Variants in USH2A observed in about 807,000 individuals in gnomAD.
USH2A encodes usherin.
Under a neutral mutation model 538.9 loss-of-function variants are expected in USH2A, and 443 were observed. The observed-to-expected ratio is 0.82, with a 90% CI of 0.76 to 0.89. The LOEUF (loss-of-function observed/expected upper bound fraction) is 0.89, where lower values mean the gene tolerates loss of function less well. USH2A is among the 40% of genes least tolerant of loss of function. USH2A has a pLI of 0.00. For synonymous variants in USH2A, 2,413 were observed against 2,273.5 expected (o/e 1.06, Z -1.75); for missense variants, 6,633 against 6,324.8 (o/e 1.05, Z -1.65).
intron 26 of USH2A, among the ~76,000 whole-genome samples, chr1:216,081,794 T>C (rs2031951125): frequency 6.6e-6 from 1 of 152,026 alleles, no homozygotes; most frequent in Non-Finnish European, 1.5e-5. Context: ...GGTCTCACTA[T>C]ATTGCCCAGG....
intron 44 of USH2A, among the ~76,000 whole-genome samples, chr1:215,861,769 A>G (rs992675062): frequency 3.9e-5 from 6 of 152,058 alleles, no homozygotes; most frequent in Non-Finnish European, 8.8e-5. Flanking sequence ...CAGTTTCTAG[A>G]TAAGGGGCAA....
intron 43 of USH2A, among the ~76,000 whole-genome samples, chr1:215,877,071 G>A (rs1664791039): frequency 6.6e-6 from 1 of 152,134 alleles, no homozygotes; most frequent in Non-Finnish European, 1.5e-5. Flanking sequence ...AGATTTAGAA[G>A]TCATTTAATT....
At chr1:216,270,704 A>T (rs1179704825) in intron 11 of USH2A, among the ~76,000 whole-genome samples, 1 of 96,356 alleles carries the variant, frequency 1.0e-5, no homozygotes, top group Non-Finnish European at 2.1e-5. Flanking sequence ...ATTTTCATTC[A>T]TTCCAATTTT....
chr1:215,710,932 T>G (rs542512238), intron 61 of USH2A, among the ~76,000 whole-genome samples: 3 of 152,118 alleles, frequency 2.0e-5, no homozygotes, highest in Middle Eastern at 6.8e-3. Flanking sequence ...CTCCATTTCT[T>G]CTATCGGCTT....
At chr1:215,628,673 T>C in intron 71 of USH2A, 141 bp downstream of exon 71, 1 of 843,148 alleles carries the variant, frequency 1.2e-6, no homozygotes, top group Non-Finnish European at 2.0e-6. Flanking sequence ...GTAACATTAG[T>C]AAACCGGTTG....
chr1:215,950,673 TA>T (rs1666890811), intron 37 of USH2A, among the ~76,000 whole-genome samples: 2 of 151,748 alleles, frequency 1.3e-5, no homozygotes, highest in South Asian at 2.1e-4. Context: ...GTCCGGCTAA[TA>T]TTTTTTTTTG....
At chr1:216,104,864 T>C (rs1389873294) in intron 21 of USH2A, among the ~76,000 whole-genome samples, 2 of 152,108 alleles carry the variant, frequency 1.3e-5, no homozygotes, top group African/African-American at 4.8e-5. Context: ...CAAAAGAAAC[T>C]ACCATCAGAG....
intron 21 of USH2A, among the ~76,000 whole-genome samples, chr1:216,170,954 G>A (rs1005794492): frequency 6.6e-6 from 1 of 151,962 alleles, no homozygotes; most frequent in Admixed American, 6.6e-5. Context: ...CTGGGGCACT[G>A]TTTCACCATG....
At position 215,675,126 on chromosome 1, in the gene USH2A, G is replaced by A; in HGVS notation, c.12785C>T (p.Pro4262Leu). Residue 4262 changes from proline (P) to leucine (L), a missense_variant, in exon 63 of 72, where the codon CCT (proline) becomes CTT (leucine). Transcript: ENST00000307340. ...SWNVVRTLQA[P>L]PEGLSPPVIS... The stretch of plus-strand genomic sequence containing the variant: ...CACAGGTGGAGAGAGACCTTCTGGA[G>A]GTGCTTGCAATGTCCTCACCACATT... The A allele has an allele frequency of 6.2e-7, 1 of 1,614,030 alleles. No homozygotes were observed. Among genetic ancestry groups the A allele is most frequent in the Non-Finnish European group, 8.5e-7 (1 of 1,180,006 alleles).
At chr1:215,998,106 G>A (rs1022617083) in intron 34 of USH2A, among the ~76,000 whole-genome samples, 4 of 151,976 alleles carry the variant, frequency 2.6e-5, no homozygotes, top group Non-Finnish European at 5.9e-5. Context: ...TATTTTCTAT[G>A]GCATTTATCA....
At chr1:215,931,734 T>C (rs1461236091) in intron 38 of USH2A, among the ~76,000 whole-genome samples, 1 of 151,998 alleles carries the variant, frequency 6.6e-6, no homozygotes, top group Admixed American at 6.6e-5. Flanking sequence ...GCACCTACCA[T>C]GTGTCAGGTT....
intron 13 of USH2A, among the ~76,000 whole-genome samples, chr1:216,244,164 A>G: frequency 6.6e-6 from 1 of 152,210 alleles, no homozygotes; most frequent in East Asian, 1.9e-4. Flanking sequence ...ATTGAAAAGG[A>G]GGATTATACT....
chr1:215,967,465 C>A (rs1667377039), intron 36 of USH2A, among the ~76,000 whole-genome samples: 1 of 152,060 alleles, frequency 6.6e-6, no homozygotes, highest in Non-Finnish European at 1.5e-5. Flanking sequence ...CCATGCCTGG[C>A]CATAAACTGT....
rs547139318 is a variant in USH2A, at chr1:216,422,337, G to C, written c.-1C>G. On this transcript the variant is annotated 5_prime_UTR_variant, in exon 2 of 72. Coordinates refer to ENST00000307340, the MANE Select transcript of USH2A (RefSeq NM_206933.4). ...CCAATGAAAGAACTGGGCAATTCAT[G>C]TTTACAAAAAAGCATTCTCCTCCTG... 1.4e-5 allele frequency: 23 copies of C among 1,613,482 alleles called. No individual in the cohort carries two copies. Among genetic ancestry groups the C allele is most frequent in the Middle Eastern group, 1.6e-4 (1 of 6,080 alleles).
chr1:215,885,940 T>G (rs1252297911), intron 41 of USH2A, among the ~76,000 whole-genome samples: 2 of 152,208 alleles, frequency 1.3e-5, no homozygotes, highest in African/African-American at 4.8e-5. Flanking sequence ...TCCTTATTAC[T>G]TCCAGGTATA....
At chr1:216,418,417 C>G in intron 3 of USH2A, 97 bp downstream of exon 3, 1 of 1,380,298 alleles carries the variant, frequency 7.2e-7, no homozygotes, top group Non-Finnish European at 1.0e-6. Context: ...CTAAAAGATA[C>G]TGCTGCAGAT....
chr1:216,084,966 T>G (rs2032081743), intron 24 of USH2A, 89 bp from the exon 25 acceptor site: 1 of 1,318,540 alleles, frequency 7.6e-7, no homozygotes, highest in East Asian at 2.4e-5. Context: ...GTCAAAGAAA[T>G]AGGCACTAGC....
At position 215,625,846 on chromosome 1, in the gene USH2A, T is replaced by G; in HGVS notation, c.15544A>C (p.Asn5182His). Residue 5182 changes from asparagine (N) to histidine (H), a missense_variant, in exon 72 of 72, where the codon AAC becomes CAC. Asn to His is a moderately conservative substitution (Grantham distance 68). Transcript: ENST00000307340. ...GLYVDEEDLM[N>H]AIKDFSSVTK... ...ACTGAGCTGAAATCCTTGATGGCGT[T>G]CATCAGGTCCTCTTCATCCACATAC... The G allele has an allele frequency of 3.7e-6, 6 of 1,614,116 alleles. No individual in the cohort carries two copies. The highest frequency in any genetic ancestry group is 5.1e-6 in the Non-Finnish European group (6 of 1,179,978).
At chr1:216,182,082 G>A (rs78622732) in intron 20 of USH2A, among the ~76,000 whole-genome samples, 1,820 of 152,058 alleles carry the variant, frequency 0.012, 32 homozygotes, top group African/African-American at 0.041. Flanking sequence ...AAAGGAGGGG[G>A]CACTGAATGT....
Sources: gnomAD v4.1 joint callset for allele counts (sites outside exome capture counted in the v4.1 genomes callset) on GRCh38, gnomAD v4.1.1 for gene constraint, MANE v1.5 for transcripts, NCBI Gene and HGNC (gene_info 2026-07-23, HGNC 2026-07-21) for gene names.